RGS6: variants seen among roughly 807,000 people sequenced by gnomAD.
The protein encoded by RGS6 is regulator of G-protein signaling 6.
RGS6 carries 30 observed loss-of-function variants against 78.5 expected under a neutral mutation model. The observed-to-expected ratio is 0.38, with a 90% CI of 0.29 to 0.52. The LOEUF (loss-of-function observed/expected upper bound fraction) is 0.52. Ranked by LOEUF, RGS6 falls within the 20% of genes least tolerant of loss-of-function variation. The probability of loss-of-function intolerance (pLI) is 0.85; values close to 1 mark genes in which losing one functional copy is unlikely to be tolerated. For synonymous variants in RGS6, 206 were observed against 206.0 expected (o/e 1.00, Z 0.00); for missense variants, 495 against 609.7 (o/e 0.81, Z 1.98).
At chr14:72,130,872 A>T (rs1038283094) in intron 2 of RGS6, among the ~76,000 whole-genome samples, 4 of 152,200 alleles carry the variant, frequency 2.6e-5, no homozygotes, top group South Asian at 2.1e-4. Flanking sequence ...TTGCATTGGT[A>T]TGTGTGTTGG....
At chr14:71,895,796 A>G in the RGS6 span, among the ~76,000 whole-genome samples, 1 of 152,194 alleles carries the variant, frequency 6.6e-6, no homozygotes. Flanking sequence ...AGCTGGTGCT[A>G]GAACCCAAAG....
chr14:72,189,738 C>T (rs936579682), intron 2 of RGS6, among the ~76,000 whole-genome samples: 6 of 152,002 alleles, frequency 3.9e-5, no homozygotes, highest in Non-Finnish European at 7.4e-5. Flanking sequence ...TTATGAGTGT[C>T]GTCACTCCCT....
chr14:71,923,731 A>G, the RGS6 span, among the ~76,000 whole-genome samples: 1 of 152,218 alleles, frequency 6.6e-6, no homozygotes, highest in East Asian at 1.9e-4. Flanking sequence ...ACAGTCTAGA[A>G]AAAGCGAAAC....
At chr14:72,522,950 G>A (rs1171213924) in intron 15 of RGS6, among the ~76,000 whole-genome samples, 1 of 152,216 alleles carries the variant, frequency 6.6e-6, no homozygotes, top group East Asian at 1.9e-4. Flanking sequence ...CGCAGCCATG[G>A]CAACACAGCA....
At chr14:72,283,813 G>A (rs2062001645) in intron 2 of RGS6, among the ~76,000 whole-genome samples, 1 of 152,184 alleles carries the variant, frequency 6.6e-6, no homozygotes, top group African/African-American at 2.4e-5. Flanking sequence ...GAAGAGTTTG[G>A]AGGGCTCAGA....
At chr14:72,310,269 A>G (rs1406414566) in intron 2 of RGS6, among the ~76,000 whole-genome samples, 1 of 152,226 alleles carries the variant, frequency 6.6e-6, no homozygotes, top group African/African-American at 2.4e-5. Flanking sequence ...GAGATACAGC[A>G]GCAGCGGCGT....
At chr14:72,072,501 G>A (rs999519571) in intron 2 of RGS6, among the ~76,000 whole-genome samples, 3 of 152,022 alleles carry the variant, frequency 2.0e-5, no homozygotes, top group Admixed American at 1.3e-4. Flanking sequence ...TACAGACGGG[G>A]TATCACCGTG....
chr14:72,436,961 A>G (rs2094941844), intron 3 of RGS6, among the ~76,000 whole-genome samples: 1 of 152,092 alleles, frequency 6.6e-6, no homozygotes, highest in African/African-American at 2.4e-5. Context: ...GCATTAATGG[A>G]GAGACAGACC....
At chr14:72,395,801 C>T (rs1309653362) in intron 3 of RGS6, among the ~76,000 whole-genome samples, 4 of 151,664 alleles carry the variant, frequency 2.6e-5, no homozygotes, top group Non-Finnish European at 4.4e-5. Context: ...TTTTCCCTTG[C>T]GATAGTTTGC....
chr14:71,910,217 A>G, the RGS6 span, among the ~76,000 whole-genome samples: 1 of 151,768 alleles, frequency 6.6e-6, no homozygotes, highest in East Asian at 1.9e-4. Context: ...AAAACAAAAC[A>G]AAACAAAACA....
intron 13 of RGS6, among the ~76,000 whole-genome samples, chr14:72,501,492 G>A (rs1447343580): frequency 6.6e-6 from 1 of 152,162 alleles, no homozygotes; most frequent in African/African-American, 2.4e-5. Context: ...TCCCGCCTGG[G>A]TGACAGAACA....
intron 12 of RGS6, among the ~76,000 whole-genome samples, chr14:72,479,100 G>T (rs1467070352): frequency 6.6e-6 from 1 of 152,174 alleles, no homozygotes; most frequent in East Asian, 1.9e-4. Context: ...GTATTTATTG[G>T]ATGTCAGATA....
chr14:72,193,053 C>G (rs554949148), intron 2 of RGS6, among the ~76,000 whole-genome samples: 1 of 150,024 alleles, frequency 6.7e-6, no homozygotes, highest in South Asian at 2.1e-4. Context: ...AGTGCAGTGG[C>G]ACAATCTCAG....
At chr14:72,002,979 G>A (rs1183169734) in intron 2 of RGS6, among the ~76,000 whole-genome samples, 5 of 152,118 alleles carry the variant, frequency 3.3e-5, no homozygotes, top group Non-Finnish European at 5.9e-5. Context: ...CTGGGAACTG[G>A]CCCAAGAAAC....
chr14:72,034,054 T>A (rs1185892546), intron 2 of RGS6, among the ~76,000 whole-genome samples: 4 of 152,204 alleles, frequency 2.6e-5, no homozygotes, highest in Admixed American at 1.3e-4. Flanking sequence ...TTATAGTATA[T>A]CTTCTTTACA....
intron 3 of RGS6, among the ~76,000 whole-genome samples, chr14:72,402,780 T>G (rs959021393): frequency 2.0e-5 from 3 of 149,412 alleles, no homozygotes; most frequent in African/African-American, 7.4e-5. Context: ...TTATATTTTT[T>G]GTTTTTTTGG....
intron 2 of RGS6, among the ~76,000 whole-genome samples, chr14:72,073,178 G>C (rs2094465859): frequency 6.6e-6 from 1 of 152,160 alleles, no homozygotes; most frequent in Non-Finnish European, 1.5e-5. Flanking sequence ...TAAAAATACT[G>C]TCTGCATCTC....
intron 17 of RGS6, among the ~76,000 whole-genome samples, chr14:72,557,099 A>G (rs557053560): frequency 1.3e-5 from 2 of 152,338 alleles, no homozygotes; most frequent in African/African-American, 4.8e-5. Context: ...CTTCCTTCCC[A>G]TGCTGCTCTG....
chr14:72,400,428 T>A (rs1207169671), intron 3 of RGS6, among the ~76,000 whole-genome samples: 1 of 152,206 alleles, frequency 6.6e-6, no homozygotes, highest in East Asian at 1.9e-4. Context: ...CACCTCCTGA[T>A]TTTTATAGAT....
Sources: gnomAD v4.1 joint callset for allele counts (sites outside exome capture counted in the v4.1 genomes callset) on GRCh38, gnomAD v4.1.1 for gene constraint, MANE v1.5 for transcripts, NCBI Gene and HGNC (gene_info 2026-07-23, HGNC 2026-07-21) for gene names.